Variants in PSMD5 observed in about 807,000 individuals in gnomAD.
PSMD5 encodes the protein 26S proteasome non-ATPase regulatory subunit 5.
PSMD5 carries 40 observed loss-of-function variants against 52.1 expected under a neutral mutation model. The ratio of observed to expected loss-of-function variants is 0.77; its 90% CI spans 0.60 to 1.00. PSMD5 has a LOEUF of 1.00. PSMD5 is among the 50% of genes least tolerant of loss of function. The probability of loss-of-function intolerance (pLI) is 0.00; values close to 1 mark genes in which losing one functional copy is unlikely to be tolerated. For synonymous variants in PSMD5, 211 were observed against 226.6 expected (o/e 0.93, Z 0.62); for missense variants, 575 against 605.2 (o/e 0.95, Z 0.52).
At chr9:120,837,627 A>G (rs1038838825) in intron 1 of PSMD5, among the ~76,000 whole-genome samples, 7 of 152,132 alleles carry the variant, frequency 4.6e-5, no homozygotes, top group African/African-American at 1.7e-4. Context: ...TAGGTCTATG[A>G]TCTACTCTCA....
intron 1 of PSMD5, among the ~76,000 whole-genome samples, chr9:120,835,716 C>T (rs1467287146): frequency 1.3e-5 from 2 of 149,804 alleles, no homozygotes; most frequent in African/African-American, 5.0e-5. Flanking sequence ...GCGACAAGAA[C>T]GAAACTCTGT....
rs2045173808 is a variant in PSMD5, at chr9:120,833,299, T to G, written c.318+13A>C. 6.2e-7 allele frequency: 1 copy of G among 1,613,008 alleles called. No homozygotes were observed. Among genetic ancestry groups the G allele is most frequent in the Non-Finnish European group, 8.5e-7 (1 of 1,179,304 alleles). On this transcript the variant is annotated intron_variant, in intron 2 of 9. Coordinates refer to ENST00000210313, the MANE Select transcript of PSMD5 (RefSeq NM_005047.4). ...GCAGGTGGTCAATGTCGGTTCCTAG[T>G]AGAATTTCATACCTGGGAAAGAGTG...
intron 7 of PSMD5, among the ~76,000 whole-genome samples, chr9:120,821,745 G>A (rs1030436967): frequency 6.6e-6 from 1 of 152,144 alleles, no homozygotes; most frequent in Admixed American, 6.5e-5. Flanking sequence ...CATCTAAGTG[G>A]AATCATACAA....
Position 120,824,509 on chromosome 9 carries a change from C to A in PSMD5, c.991G>T (p.Val331Phe). ...TCATACCAACCTGTTTTCTGTAAAA[C>A]CTGTTTTCCTTCAACATTGGATCCC... ...ILGSNVEGKQ[V>F]LQKTGTRFER... Residue 331 changes from valine (V) to phenylalanine (F), a missense_variant, in exon 7 of 10, where the codon GTT becomes TTT. Coordinates refer to ENST00000210313, the MANE Select transcript of PSMD5 (RefSeq NM_005047.4). 6.2e-7 allele frequency: 1 copy of A among 1,614,102 alleles called. No homozygotes were observed. Among genetic ancestry groups the A allele is most frequent in the South Asian group, 1.1e-5 (1 of 91,070 alleles).
chr9:120,817,827 T>C lies in PSMD5; in HGVS notation c.*79A>G. The C allele has an allele frequency of 1.4e-6, 2 of 1,423,916 alleles. No homozygotes were observed. The highest frequency in any genetic ancestry group is 1.9e-6 in the Non-Finnish European group (2 of 1,048,906). The allele number at this position is 1,423,916 out of a possible 1,614,324, so 88.2% of individuals were successfully genotyped here. A position where few individuals can be genotyped will look rare whatever the true frequency, so the allele number is the denominator to read the frequency against. ...ATTCTTGGGGAAAGGAAGTCTCTTTTGTGAAATATAGATGGAGTCAAATGC... is the reference window on the plus strand; with the variant it reads ...ATTCTTGGGGAAAGGAAGTCTCTTTCGTGAAATATAGATGGAGTCAAATGC... On this transcript the variant is annotated 3_prime_UTR_variant, in exon 10 of 10. Transcript: ENST00000210313.
chr9:120,826,987 C>T, intron 5 of PSMD5, 80 bp from the exon 6 acceptor site: 1 of 1,350,720 alleles, frequency 7.4e-7, no homozygotes, highest in Admixed American at 2.3e-5. Flanking sequence ...TACAGGTTAT[C>T]TTATTTAATT....
chr9:120,831,522 A>G, intron 3 of PSMD5, 63 bp from the exon 4 acceptor site: 1 of 1,504,460 alleles, frequency 6.6e-7, no homozygotes, highest in South Asian at 1.3e-5. Flanking sequence ...ACTTCATAAG[A>G]GTGATGTAAA....
chr9:120,836,992 C>A (rs899106627), intron 1 of PSMD5, among the ~76,000 whole-genome samples: 1 of 149,348 alleles, frequency 6.7e-6, no homozygotes, highest in Non-Finnish European at 1.5e-5. Flanking sequence ...CAGGTTCAAG[C>A]GATTCTCCTG....
intron 7 of PSMD5, among the ~76,000 whole-genome samples, chr9:120,822,601 T>G (rs2045093418): frequency 6.6e-6 from 1 of 152,060 alleles, no homozygotes; most frequent in African/African-American, 2.4e-5. Flanking sequence ...CAGGCTGGAG[T>G]GCAATGGCGC....
At chr9:120,836,137 C>T (rs780511775) in intron 1 of PSMD5, among the ~76,000 whole-genome samples, 14 of 152,288 alleles carry the variant, frequency 9.2e-5, no homozygotes, top group African/African-American at 2.4e-4. Flanking sequence ...TTTAGCACAA[C>T]GTCTTCAAAG....
Position 120,826,764 on chromosome 9 carries a change from C to G in PSMD5, c.814+1G>C. ...TTTCCATAGGCATCAGTGTTCCTTA[C>G]CTGGCAGATAGAAGCTAGAGAAAGG... On this transcript the variant is annotated splice_donor_variant, in intron 6 of 9. Transcript: ENST00000210313. LOFTEE classifies it high-confidence loss of function. The G allele has an allele frequency of 6.2e-7, 1 of 1,613,392 alleles. No homozygotes were observed. Among genetic ancestry groups the G allele is most frequent in the Non-Finnish European group, 8.5e-7 (1 of 1,179,544 alleles).
intron 4 of PSMD5, among the ~76,000 whole-genome samples, chr9:120,829,835 A>C: frequency 6.6e-6 from 1 of 152,136 alleles, no homozygotes; most frequent in East Asian, 1.9e-4. Flanking sequence ...GCATCCTGTC[A>C]GTCAGTCAGT....
At chr9:120,835,523 A>G (rs986183954) in intron 1 of PSMD5, among the ~76,000 whole-genome samples, 1 of 152,094 alleles carries the variant, frequency 6.6e-6, no homozygotes, top group African/African-American at 2.4e-5. Context: ...TCAGGAGTTC[A>G]AGACCAGACT....
Position 120,829,091 on chromosome 9 carries a change from C to A in PSMD5, c.671+8G>T. On this transcript the variant is annotated splice_region_variant and intron_variant, in intron 5 of 9. Transcript: ENST00000210313. ...GGATATTTCACTTTAAGAACTCAGT[C>A]AACACACCTGACCAACACATCCTCA... 2 of 1,561,424 alleles carry A rather than the reference C, an allele frequency of 1.3e-6. No homozygotes were observed. The highest frequency in any genetic ancestry group is 2.4e-5 in the South Asian group (2 of 83,134).
At chr9:120,825,085 A>C (rs940748714) in intron 6 of PSMD5, 3 of 156,686 alleles carry the variant, frequency 1.9e-5, no homozygotes, top group African/African-American at 7.2e-5. Flanking sequence ...TGTTCAAGAA[A>C]GACTAATCAA....
chr9:120,819,022 C>T (rs1332393513), intron 9 of PSMD5, among the ~76,000 whole-genome samples: 1 of 152,142 alleles, frequency 6.6e-6, no homozygotes, highest in Non-Finnish European at 1.5e-5. Context: ...CAAAAATAAA[C>T]ACACACTAAT....
At chr9:120,837,862 G>A (rs1247026016) in intron 1 of PSMD5, among the ~76,000 whole-genome samples, 1 of 152,176 alleles carries the variant, frequency 6.6e-6, no homozygotes, top group East Asian at 1.9e-4. Flanking sequence ...AATCTCAAAT[G>A]TTCACCAACA....
intron 1 of PSMD5, among the ~76,000 whole-genome samples, chr9:120,839,991 G>A (rs2045223294): frequency 6.6e-6 from 1 of 151,034 alleles, no homozygotes; most frequent in Admixed American, 6.6e-5. Flanking sequence ...GCGTTGTGGT[G>A]GTGGCACGTG....
chr9:120,830,419 A>G (rs1224553443), intron 4 of PSMD5, among the ~76,000 whole-genome samples: 2 of 152,226 alleles, frequency 1.3e-5, no homozygotes, highest in Non-Finnish European at 2.9e-5. Flanking sequence ...CACTGATGGG[A>G]AGTGAAATCA....
Sources: allele counts gnomAD v4.1 joint callset (sites outside exome capture counted in the v4.1 genomes callset), GRCh38; gene constraint gnomAD v4.1.1; transcripts MANE v1.5; gene names NCBI Gene and HGNC (gene_info 2026-07-23, HGNC 2026-07-21).